Variants in DNM1L observed in about 807,000 individuals in gnomAD.
DNM1L encodes the protein dynamin-1-like protein.
In DNM1L, 33 loss-of-function variants were observed where a neutral mutation model predicts 92.8. The observed-to-expected ratio is 0.36, with a 90% CI of 0.27 to 0.48. DNM1L has a LOEUF of 0.48. Ranked by LOEUF, DNM1L falls within the 20% of genes least tolerant of loss-of-function variation. The pLI is 0.99. For missense variants in DNM1L, 485 were observed against 888.8 expected (o/e 0.55, Z 5.78); for synonymous variants, 284 against 305.0 (o/e 0.93, Z 0.72).
At chr12:32,701,880 A>G (rs1054385372) in intron 2 of DNM1L, among the ~76,000 whole-genome samples, 3 of 151,404 alleles carry the variant, frequency 2.0e-5, no homozygotes, top group South Asian at 4.2e-4. Context: ...GGCGCCCCCC[A>G]CCATGCCCAG....
chr12:32,717,762 A>T (rs560280259), intron 6 of DNM1L, among the ~76,000 whole-genome samples: 4 of 120,374 alleles, frequency 3.3e-5, no homozygotes, highest in South Asian at 2.3e-4. Flanking sequence ...TATATATATA[A>T]AAAATATATA....
chr12:32,707,449 G>GA (rs757153107), intron 3 of DNM1L, 36 bp downstream of exon 3: 3 of 1,449,298 alleles, frequency 2.1e-6, no homozygotes, highest in African/African-American at 2.9e-5. Context: ...AAATAATGTT[G>GA]AAAAAAATAT....
chr12:32,707,685 A>C (rs1401181549), intron 3 of DNM1L, among the ~76,000 whole-genome samples: 1 of 152,108 alleles, frequency 6.6e-6, no homozygotes, highest in Non-Finnish European at 1.5e-5. Flanking sequence ...CATAGTGGCT[A>C]ATGCAAGTAA....
At chr12:32,726,909 T>C in intron 9 of DNM1L, 2 of 685,530 alleles carry the variant, frequency 2.9e-6, no homozygotes, top group East Asian at 2.5e-5. Context: ...GGGTTCAAAT[T>C]GAAATTCTAA....
chr12:32,723,881 A>C (rs1301308448), intron 9 of DNM1L, among the ~76,000 whole-genome samples: 2 of 152,206 alleles, frequency 1.3e-5, no homozygotes, highest in Non-Finnish European at 2.9e-5. Flanking sequence ...TTAAAATCTC[A>C]GGAGAGGAAT....
intron 15 of DNM1L, 123 bp downstream of exon 15, chr12:32,738,065 TTAGTC>T (rs1955024057): frequency 9.7e-6 from 11 of 1,139,652 alleles, no homozygotes; most frequent in African/African-American, 4.7e-5. Flanking sequence ...TCAGATCACT[TTAGTC>T]TAATATATAT....
chr12:32,736,401 C>T (rs1233132184), intron 13 of DNM1L, among the ~76,000 whole-genome samples: 4 of 152,044 alleles, frequency 2.6e-5, no homozygotes, highest in South Asian at 2.1e-4. Flanking sequence ...TATCTTGGTG[C>T]TTGGATATAG....
chr12:32,726,988 G>T (rs1373963232), intron 9 of DNM1L: 2 of 744,788 alleles, frequency 2.7e-6, no homozygotes, highest in Admixed American at 1.9e-5. Flanking sequence ...TTCAGAATAG[G>T]TTCATCATGT....
In DNM1L at chr12:32,745,099, C is replaced by T. The variant is rs748055772; in HGVS notation, c.*1689C>T. On this transcript the variant is annotated 3_prime_UTR_variant, in exon 20 of 20. Transcript: ENST00000549701. ...TAAAAACCCCCACATCAGTCTGATA[C>T]GATATGGTACTACTTTGAATCTGTT... 1.5e-5 allele frequency: 7 copies of T among 460,828 alleles called. No homozygotes were observed. Among genetic ancestry groups the T allele is most frequent in the African/African-American group, 8.1e-5 (4 of 49,630 alleles). 28.5% of individuals were successfully genotyped at this position (460,828 alleles called of 1,614,324 possible).
chr12:32,705,914 G>A (rs1276349690), intron 2 of DNM1L: 11 of 1,515,998 alleles, frequency 7.3e-6, no homozygotes, highest in Non-Finnish European at 3.6e-6. Flanking sequence ...ATGCCTGCAT[G>A]TGTGCTTATG....
At chr12:32,696,681 A>G (rs1229039662) in intron 1 of DNM1L, among the ~76,000 whole-genome samples, 2 of 148,890 alleles carry the variant, frequency 1.3e-5, no homozygotes, top group African/African-American at 5.0e-5. Context: ...ATGGCGTGCA[A>G]TGGCGTGATC....
rs542824863 is a variant in DNM1L, at chr12:32,731,226, G to C, written c.1200+92G>C. 5.6e-5 allele frequency: 89 copies of C among 1,592,628 alleles called. No homozygotes were observed. Among genetic ancestry groups the C allele is most frequent in the Non-Finnish European group, 7.3e-5 (85 of 1,167,216 alleles). ...GTGTCTTTTTAAATTTAATTATACA[G>C]TTTATTTTGCTCTCATATTTGAAAT... On this transcript the variant is annotated intron_variant, in intron 10 of 19. Coordinates refer to ENST00000549701, the MANE Select transcript of DNM1L (RefSeq NM_012062.5). The surrounding 1 kb of genome is among the most constrained non-coding windows in gnomAD (Gnocchi z 5.1).
intron 18 of DNM1L, among the ~76,000 whole-genome samples, chr12:32,742,166 G>A (rs1489617263): frequency 2.0e-5 from 3 of 151,796 alleles, no homozygotes; most frequent in Non-Finnish European, 4.4e-5. Context: ...GTGCAGTGGC[G>A]CGTTCTTGGC....
chr12:32,723,762 T>G (rs1433590568), intron 9 of DNM1L, among the ~76,000 whole-genome samples: 1 of 146,244 alleles, frequency 6.8e-6, no homozygotes, highest in Non-Finnish European at 1.5e-5. Flanking sequence ...TTAGATGAAC[T>G]ACGGCTACCA....
In DNM1L at chr12:32,742,680, T is replaced by C. The variant is rs992016048; in HGVS notation, c.2086T>C (p.Leu696=). ...LVGQLYKSSL[L]DDLLTESEDM... is the part of the protein sequence containing the mutation. ...AGGCCAGCTGTATAAATCATCCTTA[T>C]TGGATGATCTTCTGACAGAATCTGA... Residue 696 remains leucine (L), a synonymous_variant, in exon 19 of 20, where the codon TTG becomes CTG. Transcript: ENST00000549701. 2.5e-6 allele frequency: 4 copies of C among 1,613,882 alleles called. No individual in the cohort carries two copies. Among genetic ancestry groups the C allele is most frequent in the African/African-American group, 2.7e-5 (2 of 74,900 alleles).
intron 1 of DNM1L, among the ~76,000 whole-genome samples, chr12:32,693,542 A>T (rs73082829): frequency 0.066 from 10,095 of 152,234 alleles, 337 homozygotes; most frequent in African/African-American, 0.088. Context: ...CTTTACTGAG[A>T]TACACTCTAT....
At chr12:32,724,734 A>G (rs1954023604) in intron 9 of DNM1L, among the ~76,000 whole-genome samples, 1 of 149,348 alleles carries the variant, frequency 6.7e-6, no homozygotes, top group Non-Finnish European at 1.5e-5. Context: ...GTTTAGTTTG[A>G]TAACTGTTTT....
intron 1 of DNM1L, among the ~76,000 whole-genome samples, chr12:32,683,295 G>C (rs1391436036): frequency 6.6e-6 from 1 of 151,302 alleles, no homozygotes; most frequent in Non-Finnish European, 1.5e-5. Context: ...ATAATCCATA[G>C]CTCACTGTAA....
At chr12:32,714,089 T>C (rs1234726825) in intron 6 of DNM1L, among the ~76,000 whole-genome samples, 1 of 152,146 alleles carries the variant, frequency 6.6e-6, no homozygotes, top group Non-Finnish European at 1.5e-5. Flanking sequence ...TGCTAACAAA[T>C]GTATGCATGG....
Sources: allele counts gnomAD v4.1 joint callset (sites outside exome capture counted in the v4.1 genomes callset), GRCh38; gene constraint gnomAD v4.1.1; non-coding constraint Gnocchi (gnomAD v3.1); transcripts MANE v1.5; gene names NCBI Gene and HGNC (gene_info 2026-07-23, HGNC 2026-07-21).